The following ACADSB variants were observed in gnomAD, a reference collection of about 807,000 sequenced individuals.
ACADSB encodes short/branched chain specific acyl-CoA dehydrogenase, mitochondrial.
Under a neutral mutation model 54.1 loss-of-function variants are expected in ACADSB, and 40 were observed. That is an observed-to-expected ratio of 0.74 (90% CI 0.57 to 0.96). The LOEUF (loss-of-function observed/expected upper bound fraction) is 0.96, where lower values mean the gene tolerates loss of function less well. ACADSB is among the 40% of genes least tolerant of loss of function. The pLI is 0.00. For synonymous variants in ACADSB, 182 were observed against 182.8 expected (o/e 1.00, Z 0.03); for missense variants, 530 against 510.4 (o/e 1.04, Z -0.37).
chr10:123,022,789 A>G (rs1251524817), intron 1 of ACADSB, among the ~76,000 whole-genome samples: 1 of 152,254 alleles, frequency 6.6e-6, no homozygotes, highest in African/African-American at 2.4e-5. Flanking sequence ...GCATTTATAC[A>G]TAAGAACATT....
chr10:123,033,302 A>G (rs994223949), intron 1 of ACADSB, among the ~76,000 whole-genome samples: 5 of 152,240 alleles, frequency 3.3e-5, no homozygotes, highest in African/African-American at 1.2e-4. Context: ...GCTCCTAGGC[A>G]CATAGTTGCA....
At chr10:123,040,343 T>A (rs761848406) in intron 3 of ACADSB, 123 bp from the exon 4 acceptor site, 1 of 855,488 alleles carries the variant, frequency 1.2e-6, no homozygotes, top group East Asian at 2.8e-5. Context: ...GGAGCAAGAC[T>A]GTCTCAAAAA....
At chr10:123,021,494 C>G (rs1850183622) in intron 1 of ACADSB, among the ~76,000 whole-genome samples, 2 of 152,218 alleles carry the variant, frequency 1.3e-5, no homozygotes, top group African/African-American at 4.8e-5. Context: ...TAACTGAAAA[C>G]AATCCTTTAA....
intron 1 of ACADSB, among the ~76,000 whole-genome samples, chr10:123,018,120 G>A (rs1325926477): frequency 6.6e-6 from 1 of 152,180 alleles, no homozygotes; most frequent in Non-Finnish European, 1.5e-5. Flanking sequence ...TGGCTAGGGA[G>A]GAAGTCTGTT....
intron 1 of ACADSB, among the ~76,000 whole-genome samples, chr10:123,030,350 A>AC (rs1346224045): frequency 6.6e-6 from 1 of 152,034 alleles, no homozygotes; most frequent in African/African-American, 2.4e-5. Flanking sequence ...ACACAGTGAA[A>AC]CCCCATCTCT....
Position 123,051,188 on chromosome 10 carries a change from T to TAAAAAAAAAAAAAAAAAAAAAAAAAGA in ACADSB, c.1128+26_1128+27insAGAAAAAAAAAAAAAAAAAAAAAAAAA. ...ATGGCCAAATACTATGCATCAGAGG[T>TAAAAAAAAAAAAAAAAAAAAAAAAAGA]AAAAAAAAAAAAAAAAAAAAAAAAG... On this transcript the variant is annotated splice_region_variant and intron_variant, in intron 9 of 10. Transcript: ENST00000358776. 2 of 1,015,738 alleles carry TAAAAAAAAAAAAAAAAAAAAAAAAAGA rather than the reference T, an allele frequency of 2.0e-6. No individual in the cohort carries two copies. Among genetic ancestry groups the TAAAAAAAAAAAAAAAAAAAAAAAAAGA allele is most frequent in the Admixed American group, 6.4e-5 (1 of 15,656 alleles). 62.9% of individuals were successfully genotyped at this position (1,015,738 alleles called of 1,614,324 possible).
intron 1 of ACADSB, among the ~76,000 whole-genome samples, chr10:123,020,156 C>T (rs1448185305): frequency 6.6e-6 from 1 of 151,996 alleles, no homozygotes; most frequent in Non-Finnish European, 1.5e-5. Context: ...ATATACCTAC[C>T]TTAGGTATAT....
At chr10:123,034,599 C>A in intron 2 of ACADSB, 84 bp downstream of exon 2, 1 of 1,458,286 alleles carries the variant, frequency 6.9e-7, no homozygotes, top group East Asian at 2.3e-5. Context: ...CACTGCAGCC[C>A]CACCTCTGGG....
In ACADSB at chr10:123,057,685, C is replaced by T. The variant is rs1226130091; in HGVS notation, c.*3920C>T. 1 of 152,140 alleles carries T rather than the reference C, an allele frequency of 6.6e-6. No individual in the cohort carries two copies. Among genetic ancestry groups the T allele is most frequent in the Admixed American group, 6.5e-5 (1 of 15,270 alleles). 9.4% of individuals were successfully genotyped at this position (152,140 alleles called of 1,614,324 possible). ...TTCATTTTACAACACAAAAATAAGC[C>T]TGTGTCAAAGATTTTAAAATCATGG... On this transcript the variant is annotated 3_prime_UTR_variant, in exon 11 of 11. Transcript: ENST00000358776.
chr10:123,031,721 A>G (rs1001987720), intron 1 of ACADSB, among the ~76,000 whole-genome samples: 2 of 152,234 alleles, frequency 1.3e-5, no homozygotes, highest in African/African-American at 4.8e-5. Context: ...TTCACTTAGC[A>G]TATGTCACTG....
At chr10:123,035,311 A>G (rs1181187995) in intron 2 of ACADSB, among the ~76,000 whole-genome samples, 2 of 152,168 alleles carry the variant, frequency 1.3e-5, no homozygotes, top group African/African-American at 4.8e-5. Context: ...TTATCTATGA[A>G]ACACCTGTGG....
rs142778552 is a variant in ACADSB, at chr10:123,043,026, G to A, written c.682-20G>A. On this transcript the variant is annotated intron_variant, in intron 5 of 10. Transcript: ENST00000358776. ...TTTTATAAATCCAAGTGGTAATAGC[G>A]TTTTAATTCTTCTTTTTAGGGATAT... 3.2e-5 allele frequency: 51 copies of A among 1,611,744 alleles called. No individual in the cohort carries two copies. The Middle Eastern group carries it at 6.6e-4, about 21-fold the overall frequency.
At chr10:123,050,333 G>A (rs1464139122) in intron 8 of ACADSB, among the ~76,000 whole-genome samples, 1 of 152,218 alleles carries the variant, frequency 6.6e-6, no homozygotes, top group South Asian at 2.1e-4. Flanking sequence ...TCAGTGTGCT[G>A]CCTCTGTCAC....
intron 6 of ACADSB, among the ~76,000 whole-genome samples, chr10:123,043,705 G>T (rs11248369): frequency 6.6e-6 from 1 of 151,906 alleles, no homozygotes; most frequent in South Asian, 2.1e-4. Context: ...GGGAGTGAGG[G>T]GGAGGATGTC....
chr10:123,044,005 A>G (rs1850514905), intron 6 of ACADSB, among the ~76,000 whole-genome samples: 1 of 152,220 alleles, frequency 6.6e-6, no homozygotes, highest in South Asian at 2.1e-4. Flanking sequence ...CAACAGCAGA[A>G]AGGCTTACTA....
intron 1 of ACADSB, among the ~76,000 whole-genome samples, chr10:123,010,891 A>C (rs1269019085): frequency 6.6e-6 from 1 of 152,236 alleles, no homozygotes; most frequent in Non-Finnish European, 1.5e-5. Flanking sequence ...AAGGGGCTAC[A>C]GTCTGCGTGC....
chr10:123,020,544 T>C (rs1850170875), intron 1 of ACADSB, among the ~76,000 whole-genome samples: 1 of 152,254 alleles, frequency 6.6e-6, no homozygotes, highest in Non-Finnish European at 1.5e-5. Context: ...AAAGCTGCTG[T>C]GGACATTTGT....
chr10:123,043,052 A>G lies in ACADSB; in HGVS notation c.688A>G (p.Lys230Glu). 2 of 1,613,720 alleles carry G rather than the reference A, an allele frequency of 1.2e-6. No homozygotes were observed. Among genetic ancestry groups the G allele is most frequent in the Non-Finnish European group, 1.7e-6 (2 of 1,179,692 alleles). ...MANVDPTIGY[K>E]GITSFLVDRD... The stretch of plus-strand genomic sequence containing the variant: ...TTTTAATTCTTCTTTTTAGGGATAT[A>G]AGGGAATTACCTCCTTCTTAGTAGA... The change falls in exon 6 of 11, where the codon AAG becomes GAG. Residue 230 changes from lysine to glutamate, a missense_variant. Lys to Glu is a moderately conservative substitution (Grantham distance 56, BLOSUM62 1). Transcript: ENST00000358776.
chr10:123,051,289 T>C (rs1238275908), intron 9 of ACADSB, 103 bp downstream of exon 9: 14 of 1,343,850 alleles, frequency 1.0e-5, no homozygotes, highest in African/African-American at 3.0e-5. Context: ...GATTGTACTT[T>C]GGTTGTTTTT....
Sources: gnomAD v4.1 joint callset for allele counts (sites outside exome capture counted in the v4.1 genomes callset) on GRCh38, gnomAD v4.1.1 for gene constraint, MANE v1.5 for transcripts, NCBI Gene and HGNC (gene_info 2026-07-23, HGNC 2026-07-21) for gene names.